Variants in LAMA1 observed in about 807,000 individuals in gnomAD.
LAMA1 encodes the protein laminin subunit alpha 1, also known as laminin subunit alpha-1.
A neutral mutation model predicts 348.7 loss-of-function variants in LAMA1; 219 were observed. The ratio of observed to expected loss-of-function variants is 0.63; its 90% CI spans 0.56 to 0.70. The LOEUF is 0.70. LAMA1 is among the 30% of genes least tolerant of loss of function. The pLI is 0.00. For synonymous variants in LAMA1, 1,487 were observed against 1,491.0 expected (o/e 1.00, Z 0.06); for missense variants, 3,744 against 3,888.0 (o/e 0.96, Z 0.99).
chr18:7,050,049 A>T (rs2058056560), intron 4 of LAMA1, among the ~76,000 whole-genome samples: 1 of 152,132 alleles, frequency 6.6e-6, no homozygotes. Context: ...CTCTGAAGCA[A>T]ATTTAAAATG....
chr18:7,037,469 A>G, intron 12 of LAMA1, 109 bp downstream of exon 12: 1 of 1,235,654 alleles, frequency 8.1e-7, no homozygotes. Flanking sequence ...ATGCTGTCCA[A>G]CACTCAGGTG....
intron 3 of LAMA1, among the ~76,000 whole-genome samples, chr18:7,064,692 T>C (rs10502347): frequency 0.33 from 50,664 of 152,038 alleles, 9,250 homozygotes; most frequent in South Asian, 0.48. Context: ...TGTAAATGAT[T>C]CTAAATATTG....
rs1441895975 is a variant in LAMA1, at chr18:6,980,600, T to C, written c.5928A>G (p.Thr1976=). The C allele has an allele frequency of 6.2e-7, 1 of 1,613,194 alleles. No individual in the cohort carries two copies. The highest frequency in any genetic ancestry group is 2.2e-5 in the East Asian group (1 of 44,878). The change falls in exon 42 of 63, where the codon ACA becomes ACG. Residue 1976 remains threonine (T), a synonymous_variant. Coordinates refer to ENST00000389658, the MANE Select transcript of LAMA1 (RefSeq NM_005559.4). ...ALELSELRNK[T]NRFQENAVEI... ...CAACAGCATTCTCTTGAAATCTGTTTGTCTTATTTCTCAATTCACTCAGTT... is the reference window on the plus strand; with the variant it reads ...CAACAGCATTCTCTTGAAATCTGTTCGTCTTATTTCTCAATTCACTCAGTT...
intron 57 of LAMA1, chr18:6,954,577 A>C (rs2057565614): frequency 6.5e-6 from 1 of 154,536 alleles, no homozygotes; most frequent in Non-Finnish European, 1.4e-5. Context: ...GAAGAAGTCA[A>C]GGGTATGGCC....
Position 6,966,288 on chromosome 18 carries a change from A to G in LAMA1, c.6909T>C (p.Asn2303=). The stretch of plus-strand genomic sequence containing the variant: ...CGTCAAAATGGAAGGAAGGGTCTTC[A>G]TTCTGGGAGCTGCAAAGCAGAAGAG... The part of the protein sequence containing the change: ...KCRGCFGSSQ[N]EDPSFHFDGS... Residue 2303 remains asparagine, a synonymous_variant, in exon 49 of 63, where the codon AAT becomes AAC. Coordinates refer to ENST00000389658, the MANE Select transcript of LAMA1 (RefSeq NM_005559.4). 1 of 1,613,660 alleles carries G rather than the reference A, an allele frequency of 6.2e-7. No individual in the cohort carries two copies. The highest frequency in any genetic ancestry group is 8.5e-7 in the Non-Finnish European group (1 of 1,179,860).
chr18:7,024,501 A>G (rs541423428), intron 17 of LAMA1, 35 bp from the exon 18 acceptor site: 8 of 1,536,702 alleles, frequency 5.2e-6, no homozygotes, highest in African/African-American at 2.7e-5. Context: ...AAATTTTCCA[A>G]TGGATGAAGC....
chr18:7,028,213 G>A (rs183682889), intron 16 of LAMA1, among the ~76,000 whole-genome samples: 7 of 152,132 alleles, frequency 4.6e-5, no homozygotes, highest in African/African-American at 7.2e-5. Flanking sequence ...TCAATGTCAC[G>A]TGCAATTAGA....
chr18:6,979,702 A>G (rs531208468), intron 42 of LAMA1, among the ~76,000 whole-genome samples: 45 of 152,226 alleles, frequency 3.0e-4, no homozygotes, highest in Middle Eastern at 3.4e-3. Flanking sequence ...GATCGAGACC[A>G]TCCTGGCTAA....
intron 3 of LAMA1, among the ~76,000 whole-genome samples, chr18:7,066,198 T>C (rs1014547580): frequency 6.6e-6 from 1 of 152,166 alleles, no homozygotes; most frequent in Non-Finnish European, 1.5e-5. Flanking sequence ...AAACGACAAA[T>C]CCAGAGGATG....
intron 40 of LAMA1, 107 bp downstream of exon 40, chr18:6,982,992 G>A: frequency 3.5e-6 from 5 of 1,426,430 alleles, no homozygotes; most frequent in Non-Finnish European, 4.9e-6. Flanking sequence ...GATTCCACCA[G>A]AAAAGAATGT....
chr18:7,017,657 TCGA>T, intron 19 of LAMA1, among the ~76,000 whole-genome samples: 1 of 152,266 alleles, frequency 6.6e-6, no homozygotes, highest in East Asian at 1.9e-4. Context: ...CATGACTTCC[TCGA>T]CATATTTTAA....
At chr18:6,963,128 A>C (rs1053644748) in intron 51 of LAMA1, among the ~76,000 whole-genome samples, 2 of 152,112 alleles carry the variant, frequency 1.3e-5, no homozygotes, top group Admixed American at 6.6e-5. Context: ...ATTTTGGACA[A>C]ATTTCAGCCT....
chr18:6,974,028 C>T (rs1044162196), intron 46 of LAMA1, among the ~76,000 whole-genome samples: 3 of 152,144 alleles, frequency 2.0e-5, no homozygotes, highest in African/African-American at 7.2e-5. Flanking sequence ...AACAATCCTC[C>T]CACCTCGGCC....
rs763362412 is a variant in LAMA1 at position 6,976,130 on chromosome 18, C to T, written c.6346-50G>A. On this transcript the variant is annotated intron_variant, in intron 44 of 62. Transcript: ENST00000389658. ...CCCATCATTTAGTGACACACACCGG[C>T]AGCTCACCAGCAGCTCAACAATGCT... 6.9e-6 allele frequency: 11 copies of T among 1,589,042 alleles called. No individual in the cohort carries two copies. In the Admixed American group the frequency reaches 1.2e-4, roughly 17 times the overall value.
chr18:7,037,055 C>T (rs546708982), intron 12 of LAMA1, among the ~76,000 whole-genome samples: 1 of 152,332 alleles, frequency 6.6e-6, no homozygotes, highest in Admixed American at 6.5e-5. Flanking sequence ...TTTGCATTTT[C>T]TTGAAATATA....
intron 29 of LAMA1, among the ~76,000 whole-genome samples, chr18:7,005,522 G>A (rs2057828175): frequency 6.6e-6 from 1 of 152,244 alleles, no homozygotes; most frequent in African/African-American, 2.4e-5. Context: ...GCCAAGGCAG[G>A]TGGATCATTG....
At chr18:7,064,974 G>A (rs538746491) in intron 3 of LAMA1, among the ~76,000 whole-genome samples, 5 of 151,988 alleles carry the variant, frequency 3.3e-5, no homozygotes, top group Non-Finnish European at 7.4e-5. Context: ...AGTGGCTCAC[G>A]CCTGTAATCC....
rs1274686157 is a variant in LAMA1, at chr18:6,959,396, T to C, written c.7723A>G (p.Thr2575Ala). Residue 2575 changes from threonine to alanine, a missense_variant, in exon 54 of 63, where the codon ACG (threonine) becomes GCG (alanine). Coordinates refer to ENST00000389658, the MANE Select transcript of LAMA1 (RefSeq NM_005559.4). ...GCTTGTCCATCACTGCAGGTACCCG[T>C]GGGAGCGTGCAGGAGAGCTTTTCTC... is the stretch of plus-strand genomic sequence containing the variant. The part of the protein sequence containing the change: ...GLRKALLHAP[T>A]GTCSDGQAHS... 6.2e-7 allele frequency: 1 copy of C among 1,614,172 alleles called. No homozygotes were observed. Among genetic ancestry groups the C allele is most frequent in the South Asian group, 1.1e-5 (1 of 91,082 alleles).
At chr18:6,980,350 A>G (rs2057705449) in intron 42 of LAMA1, among the ~76,000 whole-genome samples, 171 bp downstream of exon 42, 1 of 152,220 alleles carries the variant, frequency 6.6e-6, no homozygotes, top group Admixed American at 6.5e-5. Flanking sequence ...TTAAAAACCA[A>G]TGATTTTCAT....
Sources: allele counts gnomAD v4.1 joint callset (sites outside exome capture counted in the v4.1 genomes callset), GRCh38; gene constraint gnomAD v4.1.1; transcripts MANE v1.5; gene names NCBI Gene and HGNC (gene_info 2026-07-23, HGNC 2026-07-21).